The following ITGA6 variants were observed in gnomAD, a reference collection of about 807,000 sequenced individuals.
ITGA6 encodes integrin subunit alpha 6.
ITGA6 carries 63 observed loss-of-function variants against 133.6 expected under a neutral mutation model. That is an observed-to-expected ratio of 0.47 (90% confidence interval 0.38 to 0.58). The LOEUF is 0.58. Among genes scored for constraint, ITGA6 ranks in the 20% least tolerant of loss-of-function variants. The pLI is 0.00. For missense variants in ITGA6, 1,068 were observed against 1,309.4 expected (o/e 0.82, Z 2.85); for synonymous variants, 434 against 482.0 (o/e 0.90, Z 1.30).
chr2:172,432,034 C>T (rs1466609495), intron 1 of ITGA6, among the ~76,000 whole-genome samples: 2 of 152,070 alleles, frequency 1.3e-5, no homozygotes, highest in African/African-American at 2.4e-5. Context: ...AGAATTATGG[C>T]GCATGGTTTC....
intron 1 of ITGA6, among the ~76,000 whole-genome samples, chr2:172,449,577 A>G (rs1254608021): frequency 6.6e-6 from 1 of 152,176 alleles, no homozygotes; most frequent in East Asian, 1.9e-4. Flanking sequence ...TGTGAAGATT[A>G]TTACATCAGG....
intron 5 of ITGA6, among the ~76,000 whole-genome samples, chr2:172,472,030 A>G (rs1317016402): frequency 6.6e-6 from 1 of 152,256 alleles, no homozygotes; most frequent in Non-Finnish European, 1.5e-5. Flanking sequence ...ACGCACTAAT[A>G]AGTTGTTCAG....
chr2:172,497,325 TCAA>T (rs1218567162), intron 23 of ITGA6, among the ~76,000 whole-genome samples: 1 of 151,852 alleles, frequency 6.6e-6, no homozygotes, highest in African/African-American at 2.4e-5. Flanking sequence ...AGACCCTGTC[TCAA>T]CAAAAAAATT....
intron 1 of ITGA6, among the ~76,000 whole-genome samples, chr2:172,445,203 G>C (rs939102400): frequency 6.6e-6 from 1 of 151,654 alleles, no homozygotes; most frequent in Admixed American, 6.6e-5. Flanking sequence ...CTGACCTCAA[G>C]CGACTGCCCG....
At position 172,472,468 on chromosome 2, in the gene ITGA6, A is replaced by AT. The variant is rs1477554593; in HGVS notation, c.775+1369dup. On this transcript the variant is annotated intron_variant, in intron 5 of 25. Transcript: ENST00000684293. ...GTCAGAACATTTGAAAATATGAAGC[A>AT]TTTTTTCTCAAACACATTTGCCACT... Among the ~76,000 whole-genome samples the AT allele has an allele frequency of 4.6e-5, 7 of 152,328 alleles. No homozygotes were observed. In the South Asian group the frequency reaches 1.2e-3, roughly 27 times the overall value.
At position 172,453,296 on chromosome 2, in the gene ITGA6, G is replaced by A. The variant is rs949096940; in HGVS notation, c.183-12243G>A. Among the ~76,000 whole-genome samples, 99 of 152,192 alleles carry A rather than the reference G, an allele frequency of 6.5e-4. 1 individual carries two copies. The highest frequency in any genetic ancestry group is 2.3e-3 in the African/African-American group (96 of 41,518). ...AATCCCAGCACTTCCGGAGGCCGAG[G>A]CAGGAGGATCGCTTAAGCTCAGGAG... On this transcript the variant is annotated intron_variant, in intron 1 of 25. Coordinates refer to ENST00000684293, the MANE Select transcript of ITGA6 (RefSeq NM_000210.4).
intron 7 of ITGA6, 93 bp downstream of exon 7, chr2:172,475,215 C>A (rs1290589267): frequency 1.1e-6 from 1 of 912,920 alleles, no homozygotes; most frequent in Non-Finnish European, 1.8e-6. Context: ...CGCCTGTAAT[C>A]CCAGCACTTT....
chr2:172,491,641 G>A lies in ITGA6; in HGVS notation c.2988+118G>A. 1 of 735,468 alleles carries A rather than the reference G, an allele frequency of 1.4e-6. No homozygotes were observed. The highest frequency in any genetic ancestry group is 2.4e-6 in the Non-Finnish European group (1 of 412,518). The allele number at this position is 735,468 out of a possible 1,614,324, so 45.6% of individuals were successfully genotyped here. On this transcript the variant is annotated intron_variant, in intron 23 of 25. Coordinates refer to ENST00000684293, the MANE Select transcript of ITGA6 (RefSeq NM_000210.4). The surrounding 1 kb of genome is among the most constrained non-coding windows in gnomAD (Gnocchi z 4.4). ...ATTTCCCTCATAGCCCCATTACGGA[G>A]AAAACTGTCTTAAGGTACTGGCACT...
At position 172,504,232 on chromosome 2, in the gene ITGA6, G is replaced by A. The variant is rs763492141; in HGVS notation, c.*164G>A. The A allele has an allele frequency of 5.0e-5, 78 of 1,569,604 alleles. No individual in the cohort carries two copies. Among genetic ancestry groups the A allele is most frequent in the Non-Finnish European group, 6.1e-5 (71 of 1,157,166 alleles). On this transcript the variant is annotated 3_prime_UTR_variant, in exon 26 of 26. Transcript: ENST00000684293. The stretch of plus-strand genomic sequence containing the variant: ...AAAACAGTGGATCACAAAGTGGAAC[G>A]AAAATGAAAGCTACTCATAGCGGGG...
At chr2:172,471,171 C>T in intron 5 of ITGA6, 66 bp downstream of exon 5, 1 of 1,586,416 alleles carries the variant, frequency 6.3e-7, no homozygotes, top group Non-Finnish European at 8.7e-7. Flanking sequence ...AACTCCCTCG[C>T]AGGGCCTATG....
intron 1 of ITGA6, among the ~76,000 whole-genome samples, chr2:172,434,129 T>A (rs889583364): frequency 6.6e-6 from 1 of 152,166 alleles, no homozygotes; most frequent in Non-Finnish European, 1.5e-5. Flanking sequence ...GGCACTAATG[T>A]TTGCTAGGAA....
chr2:172,475,126 G>A lies in ITGA6; in HGVS notation c.1180+4G>A. Reference sequence around the variant, plus strand: ...ATTAATCAAGATGGCTACCCAGGTAGATAATAGATTATGAAATGGCTATGA... The same window carrying A: ...ATTAATCAAGATGGCTACCCAGGTAAATAATAGATTATGAAATGGCTATGA... On this transcript the variant is annotated splice_donor_region_variant and intron_variant, in intron 7 of 25. Coordinates refer to ENST00000684293, the MANE Select transcript of ITGA6 (RefSeq NM_000210.4). The A allele has an allele frequency of 6.8e-7, 1 of 1,472,054 alleles. No individual in the cohort carries two copies. The highest frequency in any genetic ancestry group is 9.5e-7 in the Non-Finnish European group (1 of 1,050,430). 91.2% of individuals were successfully genotyped at this position (1,472,054 alleles called of 1,614,324 possible). A position where few individuals can be genotyped will look rare whatever the true frequency, so the allele number is the denominator to read the frequency against.
At chr2:172,443,813 G>A (rs995896112) in intron 1 of ITGA6, among the ~76,000 whole-genome samples, 5 of 152,118 alleles carry the variant, frequency 3.3e-5, no homozygotes, top group African/African-American at 9.7e-5. Flanking sequence ...TCACGCTTTC[G>A]CCCAGGCTGG....
Position 172,504,163 on chromosome 2 carries a change from G to A in ITGA6, c.*95G>A. On this transcript the variant is annotated 3_prime_UTR_variant, in exon 26 of 26. Transcript: ENST00000684293. The stretch of plus-strand genomic sequence containing the variant: ...CCATGCTGTAAGGATCCGGAAAGAA[G>A]AGCGAGAGATCAAAGATGAAAAGTA... 1.3e-6 allele frequency: 2 copies of A among 1,594,912 alleles called. No homozygotes were observed. Among genetic ancestry groups the A allele is most frequent in the Non-Finnish European group, 1.7e-6 (2 of 1,169,714 alleles).
At chr2:172,452,110 A>C (rs1685030348) in intron 1 of ITGA6, among the ~76,000 whole-genome samples, 1 of 152,124 alleles carries the variant, frequency 6.6e-6, no homozygotes, top group Non-Finnish European at 1.5e-5. Context: ...TTGATTTAGA[A>C]AGAGGTGGAA....
chr2:172,473,975 G>C (rs982234806), intron 5 of ITGA6, 80 bp from the exon 6 acceptor site: 1 of 926,334 alleles, frequency 1.1e-6, no homozygotes, highest in African/African-American at 1.6e-5. Context: ...CAGAGGAAGA[G>C]GTAATGATGG....
chr2:172,433,193 CT>C (rs1403322340), intron 1 of ITGA6, among the ~76,000 whole-genome samples: 1 of 152,152 alleles, frequency 6.6e-6, no homozygotes, highest in African/African-American at 2.4e-5. Flanking sequence ...AATCAAATAA[CT>C]TTATATCTGG....
At position 172,479,732 on chromosome 2, in the gene ITGA6, G is replaced by A. The variant is rs963495219; in HGVS notation, c.1480G>A (p.Gly494Arg). 9 of 1,613,240 alleles carry A rather than the reference G, an allele frequency of 5.6e-6. No homozygotes were observed. The highest frequency in any genetic ancestry group is 1.1e-5 in the South Asian group (1 of 91,010). ...GAAAACAGCGTGTGGGGCGCCTAGT[G>A]GGATATGGTGAGCATCCCTCTGTCT... ...RQKTACGAPS[G>R]ICLQVKSCFE... The change falls in exon 10 of 26, where the codon GGG (glycine) becomes AGG (arginine). Residue 494 changes from glycine to arginine, a missense_variant. By Grantham distance (125) the Gly-to-Arg change is moderately radical. Around this residue, in one of 3 missense-constraint regions of ITGA6, gnomAD observed 609 missense variants for 707.2 expected, o/e 0.86. Coordinates refer to ENST00000684293, the MANE Select transcript of ITGA6 (RefSeq NM_000210.4).
At chr2:172,487,667 T>A (rs1439773479) in intron 16 of ITGA6, 37 bp downstream of exon 16, 1 of 1,592,322 alleles carries the variant, frequency 6.3e-7, no homozygotes, top group Non-Finnish European at 8.6e-7. Flanking sequence ...TTTACTGTTT[T>A]AAATACCATT....
Sources: allele counts gnomAD v4.1 joint callset (sites outside exome capture counted in the v4.1 genomes callset), GRCh38; gene constraint gnomAD v4.1.1; regional missense constraint gnomAD v4.1.1; non-coding constraint Gnocchi (gnomAD v3.1); transcripts MANE v1.5; gene names NCBI Gene and HGNC (gene_info 2026-07-23, HGNC 2026-07-21).